EML6: variants seen among roughly 807,000 people sequenced by gnomAD.
EML6 encodes EMAP like 6, also known as echinoderm microtubule-associated protein-like 6.
In EML6, 154 loss-of-function variants were observed where a neutral mutation model predicts 240.1. The ratio of observed to expected loss-of-function variants is 0.64; its 90% CI spans 0.56 to 0.73. EML6 has a LOEUF of 0.73. Ranked by LOEUF, EML6 falls within the 30% of genes least tolerant of loss-of-function variation. The probability of loss-of-function intolerance (pLI) is 0.00; values close to 1 mark genes in which losing one functional copy is unlikely to be tolerated. For synonymous variants in EML6, 1,148 were observed against 899.0 expected, an observed-to-expected ratio of 1.28 and a Z score of -4.95; for missense variants, 2,964 against 2,474.6, an observed-to-expected ratio of 1.20 and a Z score of -4.20.
At chr2:54,840,819 A>T (rs1669405492) in intron 7 of EML6, among the ~76,000 whole-genome samples, 1 of 152,266 alleles carries the variant, frequency 6.6e-6, no homozygotes, top group Admixed American at 6.5e-5. Context: ...ACTGAGAGGA[A>T]GCAGACAATA....
intron 2 of EML6, among the ~76,000 whole-genome samples, chr2:54,738,087 C>T (rs1363631674): frequency 6.6e-6 from 1 of 152,234 alleles, no homozygotes; most frequent in Non-Finnish European, 1.5e-5. Context: ...TCTTCTCTAA[C>T]ACATTCCTTA....
chr2:54,819,716 A>C (rs1215287574), intron 4 of EML6, among the ~76,000 whole-genome samples: 1 of 121,272 alleles, frequency 8.2e-6, no homozygotes, highest in East Asian at 2.1e-4. Context: ...GCGGAGTTGC[A>C]GTGAGCCGAG....
intron 2 of EML6, among the ~76,000 whole-genome samples, chr2:54,782,612 A>T (rs958996764): frequency 6.6e-6 from 1 of 150,956 alleles, no homozygotes; most frequent in Non-Finnish European, 1.5e-5. Context: ...AGTATCATGA[A>T]TGTGTCTAAT....
chr2:54,851,744 G>A (rs537993338), intron 10 of EML6, among the ~76,000 whole-genome samples: 2 of 152,032 alleles, frequency 1.3e-5, no homozygotes, highest in Admixed American at 6.5e-5. Flanking sequence ...TCATTAATGT[G>A]TACCTAAAAA....
At chr2:54,861,683 A>C (rs1418500590) in intron 12 of EML6, among the ~76,000 whole-genome samples, 1 of 152,052 alleles carries the variant, frequency 6.6e-6, no homozygotes. Context: ...CAGATTTGAG[A>C]GGCACCTTAA....
In EML6 at chr2:54,866,876, C is replaced by T; in HGVS notation, c.2043C>T (p.Phe681=). Residue 681 remains phenylalanine, a synonymous_variant, in exon 14 of 42, where the codon TTC becomes TTT. Transcript: ENST00000356458. ...CTGAGGACAGCTTGAAACTCCAGTT[C>T]ATACACGGGTGGGTGGCCTGTCATG... ...KAPEDSLKLQ[F]IHGYRGYDCR... The T allele has an allele frequency of 3.9e-6, 6 of 1,547,296 alleles. No individual in the cohort carries two copies. The highest frequency in any genetic ancestry group is 5.2e-6 in the Non-Finnish European group (6 of 1,143,114).
chr2:54,901,424 G>A (rs1022257179), intron 22 of EML6, among the ~76,000 whole-genome samples: 8 of 152,106 alleles, frequency 5.3e-5, no homozygotes, highest in African/African-American at 1.7e-4. Flanking sequence ...AGTTTATATC[G>A]GGGGAATGAT....
intron 28 of EML6, among the ~76,000 whole-genome samples, chr2:54,948,563 A>G (rs1192634659): frequency 5.3e-5 from 8 of 152,156 alleles, no homozygotes; most frequent in Non-Finnish European, 1.0e-4. Context: ...GTTTTGAACC[A>G]AGCCCCTCTT....
intron 2 of EML6, among the ~76,000 whole-genome samples, chr2:54,796,015 C>G (rs964053664): frequency 6.6e-6 from 1 of 152,016 alleles, no homozygotes; most frequent in African/African-American, 2.4e-5. Flanking sequence ...ATCTAAATCT[C>G]AAAACACTGA....
chr2:54,910,344 A>C (rs1172704261), intron 24 of EML6, among the ~76,000 whole-genome samples: 1 of 152,260 alleles, frequency 6.6e-6, no homozygotes, highest in African/African-American at 2.4e-5. Context: ...CGTCAAATCC[A>C]AGATTATAAT....
At chr2:54,889,363 C>G (rs866610132) in intron 17 of EML6, among the ~76,000 whole-genome samples, 69 of 151,328 alleles carry the variant, frequency 4.6e-4, no homozygotes, top group African/African-American at 1.4e-3. Context: ...TTTATTGGAA[C>G]TAAGTTGAAT....
chr2:54,878,357 C>G (rs1299485271), intron 16 of EML6, among the ~76,000 whole-genome samples: 1 of 152,082 alleles, frequency 6.6e-6, no homozygotes, highest in Non-Finnish European at 1.5e-5. Context: ...GAGAAGAGCC[C>G]TGATATACTG....
At chr2:54,900,908 A>C (rs1024756338) in intron 22 of EML6, among the ~76,000 whole-genome samples, 1 of 152,208 alleles carries the variant, frequency 6.6e-6, no homozygotes, top group African/African-American at 2.4e-5. Context: ...TGACGAGCTG[A>C]GGCTTGAAGG....
At position 54,725,632 on chromosome 2, in the gene EML6, A is replaced by G. The variant is rs1047043634; in HGVS notation, c.197+374A>G. ...AGGACCAATAACCTGAAGTGTGGGCATCATCTTTGGGAGGCTCCTCAGTGG... is the reference window on the plus strand; with the variant it reads ...AGGACCAATAACCTGAAGTGTGGGCGTCATCTTTGGGAGGCTCCTCAGTGG... On this transcript the variant is annotated intron_variant, in intron 2 of 41. Coordinates refer to ENST00000356458, the MANE Select transcript of EML6 (RefSeq NM_001039753.4). This position sits in a 1 kb window ranked among gnomAD's most constrained non-coding sequence, Gnocchi z 4.3. 1.3e-5 allele frequency among the ~76,000 whole-genome samples: 2 copies of G among 152,164 alleles called. No individual in the cohort carries two copies. Among genetic ancestry groups the G allele is most frequent in the Admixed American group, 1.3e-4 (2 of 15,276 alleles).
chr2:54,827,384 C>T (rs1173347182), intron 5 of EML6, among the ~76,000 whole-genome samples, 182 bp from the exon 6 acceptor site: 1 of 152,048 alleles, frequency 6.6e-6, no homozygotes, highest in South Asian at 2.1e-4. Flanking sequence ...TCTTATGTTC[C>T]TGGTAGTTAG....
In EML6 at chr2:54,963,981, T is replaced by C. The variant is rs1237337694; in HGVS notation, c.5158-5T>C. The C allele has an allele frequency of 2.0e-5, 31 of 1,548,888 alleles. No homozygotes were observed. Among genetic ancestry groups the C allele is most frequent in the Non-Finnish European group, 2.6e-5 (30 of 1,145,890 alleles). On this transcript the variant is annotated splice_polypyrimidine_tract_variant and splice_region_variant and intron_variant, in intron 36 of 41. Transcript: ENST00000356458. The stretch of plus-strand genomic sequence containing the variant: ...CTCAGGTGACTTTCCTTTGCATCAA[T>C]GTAGAAGCTGTTAAACAAGGTGAGC...
chr2:54,765,503 C>T (rs1313027653), intron 2 of EML6, among the ~76,000 whole-genome samples: 1 of 152,072 alleles, frequency 6.6e-6, no homozygotes, highest in East Asian at 1.9e-4. Flanking sequence ...CTTAGTCGCC[C>T]AGGTTGGAGT....
intron 2 of EML6, among the ~76,000 whole-genome samples, chr2:54,739,953 G>A (rs1227461549): frequency 6.6e-6 from 1 of 152,148 alleles, no homozygotes; most frequent in East Asian, 1.9e-4. Context: ...AGAGGGCATT[G>A]GGAGTAGGGT....
At chr2:54,728,409 A>C (rs1683002238) in intron 2 of EML6, among the ~76,000 whole-genome samples, 1 of 152,218 alleles carries the variant, frequency 6.6e-6, no homozygotes, top group African/African-American at 2.4e-5. Context: ...GCTTCTGGCT[A>C]GTTCCCTGTC....
Sources: allele counts gnomAD v4.1 joint callset (sites outside exome capture counted in the v4.1 genomes callset), GRCh38; gene constraint gnomAD v4.1.1; non-coding constraint Gnocchi (gnomAD v3.1); transcripts MANE v1.5; gene names NCBI Gene and HGNC (gene_info 2026-07-23, HGNC 2026-07-21).